The following TLN2 variants were observed in gnomAD, a reference collection of about 807,000 sequenced individuals.
The protein encoded by TLN2 is talin-2.
Under a neutral mutation model 294.7 loss-of-function variants are expected in TLN2, and 118 were observed. The ratio of observed to expected loss-of-function variants is 0.40; its 90% CI spans 0.34 to 0.47. The LOEUF (loss-of-function observed/expected upper bound fraction) is 0.47, where lower values mean the gene tolerates loss of function less well. Among genes scored for constraint, TLN2 ranks in the 20% least tolerant of loss-of-function variants. TLN2 has a pLI of 0.84. For synonymous variants in TLN2, 1,431 were observed against 1,304.5 expected, an observed-to-expected ratio of 1.10 and a Z score of -2.09; for missense variants, 3,083 against 3,282.2, an observed-to-expected ratio of 0.94 and a Z score of 1.48.
chr15:62,697,944 A>G (rs1179884702), intron 15 of TLN2, 76 bp downstream of exon 15: 11 of 1,528,728 alleles, frequency 7.2e-6, no homozygotes, highest in Non-Finnish European at 8.8e-6. Flanking sequence ...AGCGGCGGTG[A>G]TGGGCTGAGT....
intron 13 of TLN2, 42 bp from the exon 14 acceptor site, chr15:62,694,274 G>T (rs1437195330): frequency 6.2e-7 from 1 of 1,603,686 alleles, no homozygotes; most frequent in Non-Finnish European, 8.5e-7. Flanking sequence ...ACCGCGCGTG[G>T]CCTGGTTTTC....
In TLN2 at chr15:62,776,755, C is replaced by G. The variant is rs888361807; in HGVS notation, c.5368-9C>G. The G allele has an allele frequency of 6.7e-7, 1 of 1,499,408 alleles. No individual in the cohort carries two copies. The highest frequency in any genetic ancestry group is 1.4e-5 in the African/African-American group (1 of 70,366). The allele number at this position is 1,499,408 out of a possible 1,614,324, so 92.9% of individuals were successfully genotyped here. A position where few individuals can be genotyped will look rare whatever the true frequency, so the allele number is the denominator to read the frequency against. On this transcript the variant is annotated splice_polypyrimidine_tract_variant and intron_variant, in intron 42 of 58. Coordinates refer to ENST00000636159, the MANE Select transcript of TLN2 (RefSeq NM_015059.3). ...TGCTTAAGGAAATGTTTCACAATTC[C>G]CTTCTCAGGCACAACACACCCATGA...
chr15:62,612,905 A>T (rs1255697082), intron 2 of TLN2, among the ~76,000 whole-genome samples: 1 of 152,206 alleles, frequency 6.6e-6, no homozygotes, highest in African/African-American at 2.4e-5. Context: ...TTTGTAATCC[A>T]TTATCTTTGT....
At chr15:62,755,323 T>C in intron 36 of TLN2, 1 of 578,836 alleles carries the variant, frequency 1.7e-6, no homozygotes, top group Non-Finnish European at 2.9e-6. Context: ...CAGCACCTCC[T>C]TTTTTCTTAT....
chr15:62,789,230 G>A (rs1290673496), intron 45 of TLN2, among the ~76,000 whole-genome samples: 2 of 152,144 alleles, frequency 1.3e-5, no homozygotes, highest in East Asian at 1.9e-4. Context: ...GGGTCTCCAG[G>A]TACCTAGATG....
At chr15:62,762,776 T>G (rs954667551) in intron 39 of TLN2, among the ~76,000 whole-genome samples, 5 of 152,208 alleles carry the variant, frequency 3.3e-5, no homozygotes, top group East Asian at 1.9e-4. Context: ...AAGGTCACCT[T>G]AAGGCCCAAT....
intron 10 of TLN2, among the ~76,000 whole-genome samples, chr15:62,674,381 A>G (rs1355627864): frequency 1.3e-5 from 2 of 152,254 alleles, no homozygotes; most frequent in Non-Finnish European, 2.9e-5. Context: ...ACCAAAGTCT[A>G]CTTTGATCCT....
chr15:62,701,598 T>A (rs561350088), intron 17 of TLN2, among the ~76,000 whole-genome samples: 5 of 152,272 alleles, frequency 3.3e-5, no homozygotes, highest in African/African-American at 1.2e-4. Context: ...CCAGCAGTGG[T>A]CTCTTCTGGC....
At chr15:62,569,951 T>C (rs1411720216) in intron 1 of TLN2, among the ~76,000 whole-genome samples, 1 of 152,086 alleles carries the variant, frequency 6.6e-6, no homozygotes, top group Non-Finnish European at 1.5e-5. Flanking sequence ...TTTGTGTGAG[T>C]TTTCCCTTTC....
At chr15:62,439,227 T>A (rs760778125) in intron 1 of TLN2, among the ~76,000 whole-genome samples, 2 of 152,222 alleles carry the variant, frequency 1.3e-5, no homozygotes, top group Non-Finnish European at 2.9e-5. Context: ...CGATTGGAGT[T>A]GTCACATGTG....
intron 31 of TLN2, among the ~76,000 whole-genome samples, chr15:62,739,980 A>G (rs924397925): frequency 6.6e-6 from 1 of 151,878 alleles, no homozygotes; most frequent in Non-Finnish European, 1.5e-5. Flanking sequence ...AGATGAACAG[A>G]TAAACCCCTT....
chr15:62,533,947 T>C (rs1016766536), intron 1 of TLN2, among the ~76,000 whole-genome samples: 2 of 152,178 alleles, frequency 1.3e-5, no homozygotes, highest in Admixed American at 6.5e-5. Context: ...TGGTTGCCCA[T>C]TGTCTTAATT....
intron 1 of TLN2, among the ~76,000 whole-genome samples, chr15:62,545,024 G>A (rs2041912445): frequency 6.6e-6 from 1 of 151,914 alleles, no homozygotes; most frequent in African/African-American, 2.4e-5. Flanking sequence ...CCACCTCCTG[G>A]GCTCACACCA....
intron 3 of TLN2, among the ~76,000 whole-genome samples, chr15:62,639,263 G>A (rs1325841989): frequency 6.6e-6 from 1 of 150,984 alleles, no homozygotes; most frequent in African/African-American, 2.4e-5. Flanking sequence ...ATATCTATGT[G>A]TATATCTATA....
intron 1 of TLN2, among the ~76,000 whole-genome samples, chr15:62,544,726 CTT>C (rs11424816): frequency 2.3e-4 from 33 of 144,882 alleles, no homozygotes; most frequent in African/African-American, 6.3e-4. Context: ...AGTAGAAAAG[CTT>C]TTTTTTTTTT....
chr15:62,806,791 C>A (rs762382765), intron 51 of TLN2, among the ~76,000 whole-genome samples: 1 of 152,184 alleles, frequency 6.6e-6, no homozygotes, highest in African/African-American at 2.4e-5. Context: ...AATTGATGAT[C>A]CGCTGCCATG....
intron 23 of TLN2, among the ~76,000 whole-genome samples, chr15:62,716,988 C>G (rs918294965): frequency 2.6e-5 from 4 of 151,394 alleles, no homozygotes; most frequent in African/African-American, 9.7e-5. Flanking sequence ...ACAGGAGACC[C>G]TTACACTGAA....
chr15:62,511,459 C>A (rs997941008), intron 1 of TLN2, among the ~76,000 whole-genome samples: 3 of 152,140 alleles, frequency 2.0e-5, no homozygotes, highest in Non-Finnish European at 2.9e-5. Context: ...TCCCATAGTG[C>A]ATTTTATTTG....
chr15:62,560,616 A>G (rs1409349185), intron 1 of TLN2, among the ~76,000 whole-genome samples: 4 of 152,210 alleles, frequency 2.6e-5, no homozygotes, highest in Non-Finnish European at 5.9e-5. Context: ...GTGAGCCATC[A>G]TGCCTGGCCA....
Sources: allele counts gnomAD v4.1 joint callset (sites outside exome capture counted in the v4.1 genomes callset), GRCh38; gene constraint gnomAD v4.1.1; transcripts MANE v1.5; gene names NCBI Gene and HGNC (gene_info 2026-07-23, HGNC 2026-07-21).